The following CCDC59 variants were observed in gnomAD, a reference collection of about 807,000 sequenced individuals.
CCDC59 encodes the protein coiled-coil domain containing 59.
In CCDC59, 27 loss-of-function variants were observed where a neutral mutation model predicts 30.5. That is an observed-to-expected ratio of 0.89 (90% CI 0.65 to 1.22). The LOEUF is 1.22. CCDC59 is among the 50% of genes most tolerant of loss of function. The pLI is 0.00. For missense variants in CCDC59, 362 were observed against 284.4 expected (o/e 1.27, Z -1.96); for synonymous variants, 125 against 100.9 (o/e 1.24, Z -1.43).
At chr12:82,357,555 G>A (rs975458257) in intron 1 of CCDC59, among the ~76,000 whole-genome samples, 1 of 152,140 alleles carries the variant, frequency 6.6e-6, no homozygotes, top group African/African-American at 2.4e-5. Flanking sequence ...GTTTACAGCT[G>A]TATTCACAAA....
intron 3 of CCDC59, among the ~76,000 whole-genome samples, chr12:82,354,165 T>A (rs1468438805): frequency 6.6e-6 from 1 of 152,134 alleles, no homozygotes; most frequent in Non-Finnish European, 1.5e-5. Context: ...TCAAGTTTTA[T>A]CATACATAAA....
In CCDC59 at chr12:82,353,499, T is replaced by A. The variant is rs565667741; in HGVS notation, c.565-187A>T. ...GCCTTCATATTATAATGACCCATGGTATAACAGAGAATTTTCATGATCACA... is the reference window on the plus strand; with the variant it reads ...GCCTTCATATTATAATGACCCATGGAATAACAGAGAATTTTCATGATCACA... On this transcript the variant is annotated intron_variant, in intron 3 of 3. Coordinates refer to ENST00000256151, the MANE Select transcript of CCDC59 (RefSeq NM_014167.5). 6.0e-4 allele frequency among the ~76,000 whole-genome samples: 91 copies of A among 152,252 alleles called. No individual in the cohort carries two copies. In the South Asian group the frequency reaches 0.018, roughly 31 times the overall value.
intron 1 of CCDC59, 34 bp from the exon 2 acceptor site, chr12:82,357,303 A>G: frequency 6.4e-7 from 1 of 1,551,062 alleles, no homozygotes; most frequent in Non-Finnish European, 8.8e-7. Flanking sequence ...AATTACTTTC[A>G]GAGAAAAGAA....
upstream of CCDC59, chr12:82,358,557 G>C: frequency 6.2e-7 from 1 of 1,608,892 alleles, no homozygotes. Flanking sequence ...GCCTCGGAGG[G>C]TGAGCGTCAT....
chr12:82,357,347 G>A, intron 1 of CCDC59, 78 bp from the exon 2 acceptor site: 1 of 1,247,318 alleles, frequency 8.0e-7, no homozygotes, highest in East Asian at 2.3e-5. Flanking sequence ...AATTACAAAT[G>A]AAAACTTTTT....
At chr12:82,355,398 T>C (rs941319106) in intron 2 of CCDC59, 2 of 152,172 alleles carry the variant, frequency 1.3e-5, no homozygotes, top group Non-Finnish European at 2.9e-5. Flanking sequence ...CACTGAGTGT[T>C]TGCTTTAAGT....
upstream of CCDC59, chr12:82,358,469 G>A (rs1881249195): frequency 6.2e-7 from 1 of 1,600,344 alleles, no homozygotes; most frequent in Non-Finnish European, 8.5e-7. Flanking sequence ...GAAGGAATCC[G>A]GCTCGGAGCT....
Position 82,354,050 on chromosome 12 carries a change from T to C in CCDC59, c.564+445A>G, listed in dbSNP as rs750527258. On this transcript the variant is annotated intron_variant, in intron 3 of 3. Transcript: ENST00000256151. ...TTTTTTTTAAACAGGCAAGAACACC[T>C]CTTTATAGTAAAAAAGTATTTTATT... 4.7e-4 allele frequency among the ~76,000 whole-genome samples: 71 copies of C among 152,008 alleles called. 1 individual carries two copies. Among genetic ancestry groups the C allele is most frequent in the African/African-American group, 1.5e-3 (61 of 41,510 alleles).
In CCDC59 at chr12:82,353,194, A is replaced by G. The variant is rs772386048; in HGVS notation, c.683T>C (p.Val228Ala). The G allele has an allele frequency of 1.2e-6, 2 of 1,609,684 alleles. No individual in the cohort carries two copies. The highest frequency in any genetic ancestry group is 2.2e-5 in the South Asian group (2 of 90,118). Residue 228 changes from valine to alanine, a missense_variant, in exon 4 of 4, where the codon GTA becomes GCA. Physicochemically the swap from Val to Ala is moderately conservative, Grantham distance 64. Transcript: ENST00000256151. Reference sequence around the variant, plus strand: ...TTTTTGAAGAAGGTACTCCATTTGTACATTCAAGTTTGGTTGGCCCTTTTT... The same window carrying G: ...TTTTTGAAGAAGGTACTCCATTTGTGCATTCAAGTTTGGTTGGCCCTTTTT... ...KTKKGQPNLN[V>A]QMEYLLQKIQ...
intron 1 of CCDC59, among the ~76,000 whole-genome samples, 194 bp downstream of exon 1, chr12:82,358,029 A>G (rs1380731555): frequency 6.6e-6 from 1 of 152,236 alleles, no homozygotes; most frequent in African/African-American, 2.4e-5. Flanking sequence ...AGACGTTTAA[A>G]TAATAGCAAC....
chr12:82,358,050 C>T (rs1881183865), intron 1 of CCDC59, among the ~76,000 whole-genome samples, 173 bp downstream of exon 1: 3 of 152,246 alleles, frequency 2.0e-5, no homozygotes, highest in Non-Finnish European at 4.4e-5. Context: ...ACTGCTCCGT[C>T]TTCCTATCTA....
intron 1 of CCDC59, 70 bp from the exon 2 acceptor site, chr12:82,357,339 T>C: frequency 3.0e-6 from 4 of 1,320,784 alleles, no homozygotes; most frequent in Admixed American, 4.6e-5. Context: ...GAGCTGTTAA[T>C]TACAAATGAA....
At chr12:82,357,349 A>G in intron 1 of CCDC59, 80 bp from the exon 2 acceptor site, 1 of 1,233,238 alleles carries the variant, frequency 8.1e-7, no homozygotes, top group Non-Finnish European at 1.1e-6. Context: ...TTACAAATGA[A>G]AACTTTTTTT....
chr12:82,354,680 A>G (rs1383538652), intron 2 of CCDC59, 86 bp from the exon 3 acceptor site: 23 of 1,159,378 alleles, frequency 2.0e-5, no homozygotes, highest in Non-Finnish European at 2.5e-5. Context: ...TTTTAAGAGT[A>G]TATATTAAAT....
At chr12:82,354,769 T>TA in intron 2 of CCDC59, 175 bp from the exon 3 acceptor site, 1 of 487,802 alleles carries the variant, frequency 2.1e-6, no homozygotes, top group South Asian at 5.0e-5. Context: ...TCCTAAAATG[T>TA]TAAAAAAAAA....
chr12:82,358,784 C>G (rs750075895), upstream of CCDC59: 1 of 1,613,666 alleles, frequency 6.2e-7, no homozygotes, highest in Non-Finnish European at 8.5e-7. Flanking sequence ...AGGCCCTGCC[C>G]TCAGAGACGC....
Position 82,353,121 on chromosome 12 carries a change from C to T in CCDC59, c.*30G>A, listed in dbSNP as rs1198182804. The T allele has an allele frequency of 6.4e-7, 1 of 1,561,472 alleles. No individual in the cohort carries two copies. Among genetic ancestry groups the T allele is most frequent in the African/African-American group, 1.4e-5 (1 of 72,954 alleles). The stretch of plus-strand genomic sequence containing the variant: ...TGTCACAGAAGAACCTAATAGGCAG[C>T]AGATATTTTAACCTGTAGGAACAAA... On this transcript the variant is annotated 3_prime_UTR_variant, in exon 4 of 4. Coordinates refer to ENST00000256151, the MANE Select transcript of CCDC59 (RefSeq NM_014167.5).
In CCDC59 at chr12:82,354,336, A is replaced by C. The variant is rs533676618; in HGVS notation, c.564+159T>G. Reference sequence around the variant, plus strand: ...ATAATACAAGCAAGGACTTGGAATAAGATGCAATCCTCTACCTTTGCTCAG... The same window carrying C: ...ATAATACAAGCAAGGACTTGGAATACGATGCAATCCTCTACCTTTGCTCAG... On this transcript the variant is annotated intron_variant, in intron 3 of 3. Transcript: ENST00000256151. Among the ~76,000 whole-genome samples, 34 of 152,266 alleles carry C rather than the reference A, an allele frequency of 2.2e-4. 1 individual carries two copies. Among genetic ancestry groups the C allele is most frequent in the Admixed American group, 2.2e-3 (34 of 15,294 alleles).
At chr12:82,355,723 C>T (rs1168104722) in intron 2 of CCDC59, 1 of 152,102 alleles carries the variant, frequency 6.6e-6, no homozygotes, top group Non-Finnish European at 1.5e-5. Flanking sequence ...AAACAGATAA[C>T]GGGGGACCAC....
Sources: allele counts gnomAD v4.1 joint callset (sites outside exome capture counted in the v4.1 genomes callset), GRCh38; gene constraint gnomAD v4.1.1; transcripts MANE v1.5; gene names NCBI Gene and HGNC (gene_info 2026-07-23, HGNC 2026-07-21).